Variants in ECRG4 observed in about 807,000 individuals in gnomAD.
ECRG4 encodes ECRG4 augurin precursor.
A neutral mutation model predicts 15.8 loss-of-function variants in ECRG4; 18 were observed. The ratio of observed to expected loss-of-function variants is 1.14; its 90% CI spans 0.79 to 1.69. The LOEUF (loss-of-function observed/expected upper bound fraction) is 1.69, where lower values mean the gene tolerates loss of function less well. Among genes scored for constraint, ECRG4 ranks in the 40% most tolerant of loss-of-function variants. The pLI is 0.00. For missense variants in ECRG4, 200 were observed against 190.9 expected, an observed-to-expected ratio of 1.05 and a Z score of -0.28; for synonymous variants, 82 against 73.9, an observed-to-expected ratio of 1.11 and a Z score of -0.56.
chr2:106,074,356 G>A (rs1676439033), intron 3 of ECRG4: 3 of 269,328 alleles, frequency 1.1e-5, no homozygotes, highest in South Asian at 1.6e-4. Context: ...GAACAGTTTT[G>A]CCAGGGTATT....
intron 2 of ECRG4, among the ~76,000 whole-genome samples, chr2:106,072,802 G>C (rs1317083689): frequency 6.6e-6 from 1 of 152,208 alleles, no homozygotes; most frequent in Non-Finnish European, 1.5e-5. Flanking sequence ...TCCCTGTGCT[G>C]TGTGGTGGCC....
At chr2:106,075,797 A>T (rs1240108509) in intron 3 of ECRG4, among the ~76,000 whole-genome samples, 1 of 152,236 alleles carries the variant, frequency 6.6e-6, no homozygotes, top group Non-Finnish European at 1.5e-5. Flanking sequence ...CAGAATAAAG[A>T]TGAGGATCAA....
chr2:106,068,273 A>T (rs1238603041), intron 1 of ECRG4, among the ~76,000 whole-genome samples: 1 of 152,188 alleles, frequency 6.6e-6, no homozygotes, highest in East Asian at 1.9e-4. Flanking sequence ...AGGCAACTGG[A>T]TTGGATAAAT....
intron 2 of ECRG4, among the ~76,000 whole-genome samples, chr2:106,072,765 A>G (rs1055297764): frequency 1.3e-5 from 2 of 151,966 alleles, no homozygotes; most frequent in South Asian, 2.1e-4. Context: ...CCCACCCCCA[A>G]TCTCTGAGGC....
In ECRG4 at chr2:106,071,837, C is replaced by G; in HGVS notation, c.80-7C>G. The G allele has an allele frequency of 6.2e-7, 1 of 1,612,654 alleles. No homozygotes were observed. Among genetic ancestry groups the G allele is most frequent in the Non-Finnish European group, 8.5e-7 (1 of 1,178,800 alleles). ...TCTGATATGGATTTCAATTTTCATT[C>G]CTTTAGGTGGCATAAGTGGAAATAA... On this transcript the variant is annotated splice_polypyrimidine_tract_variant and splice_region_variant and intron_variant, in intron 1 of 3. Transcript: ENST00000238044.
At chr2:106,074,634 G>T (rs1676447352) in intron 3 of ECRG4, among the ~76,000 whole-genome samples, 1 of 152,192 alleles carries the variant, frequency 6.6e-6, no homozygotes, top group Admixed American at 6.5e-5. Flanking sequence ...CTCCCAGCTG[G>T]GGTGCACGTG....
chr2:106,063,480 A>T (rs1320847722), upstream of ECRG4: 1 of 152,280 alleles, frequency 6.6e-6, no homozygotes, highest in East Asian at 1.9e-4. Flanking sequence ...AAGAACTGAC[A>T]TAGTGTCTCC....
At chr2:106,075,512 A>G (rs1440892150) in intron 3 of ECRG4, among the ~76,000 whole-genome samples, 1 of 152,230 alleles carries the variant, frequency 6.6e-6, no homozygotes, top group Non-Finnish European at 1.5e-5. Context: ...ACCTGAGGTC[A>G]GGAGTTCAAG....
chr2:106,073,966 C>T lies in ECRG4; in HGVS notation c.208C>T (p.Arg70Trp). 1.2e-6 allele frequency: 2 copies of T among 1,614,208 alleles called. No homozygotes were observed. Among genetic ancestry groups the T allele is most frequent in the Non-Finnish European group, 8.5e-7 (1 of 1,180,046 alleles). ...EFLGSLKRQKRQLWDRTRPEV... is the reference protein window; with the variant it reads ...EFLGSLKRQKWQLWDRTRPEV... ...CCTTGGCAGCCTGAAGCGCCAGAAG[C>T]GGCAGCTGTGGGACCGGACTCGGCC... Residue 70 changes from arginine to tryptophan, a missense_variant, in exon 3 of 4, where the codon CGG becomes TGG. Arg to Trp is a moderately radical substitution (Grantham distance 101). Coordinates refer to ENST00000238044, the MANE Select transcript of ECRG4 (RefSeq NM_032411.3).
intron 1 of ECRG4, among the ~76,000 whole-genome samples, chr2:106,068,699 T>C (rs1676276028): frequency 6.6e-6 from 1 of 152,242 alleles, no homozygotes; most frequent in South Asian, 2.1e-4. Context: ...CTTAATTCTG[T>C]ATGTACTACC....
At chr2:106,069,337 C>CTT (rs1273893247) in intron 1 of ECRG4, among the ~76,000 whole-genome samples, 3 of 101,956 alleles carry the variant, frequency 2.9e-5, no homozygotes, top group South Asian at 2.9e-4. Flanking sequence ...CTCTTTCTTT[C>CTT]TTTTTTTTTT....
At chr2:106,076,168 A>G (rs1676482356) in intron 3 of ECRG4, among the ~76,000 whole-genome samples, 1 of 152,066 alleles carries the variant, frequency 6.6e-6, no homozygotes, top group African/African-American at 2.4e-5. Flanking sequence ...ATACAAAAAA[A>G]TTAGCCAGGC....
chr2:106,071,491 T>G (rs1169478396), intron 1 of ECRG4, among the ~76,000 whole-genome samples: 2 of 152,190 alleles, frequency 1.3e-5, no homozygotes, highest in African/African-American at 4.8e-5. Context: ...GAGGACACTA[T>G]TCACTATTCA....
chr2:106,076,569 T>C (rs767719138), intron 3 of ECRG4, among the ~76,000 whole-genome samples: 1 of 151,238 alleles, frequency 6.6e-6, no homozygotes, highest in Non-Finnish European at 1.5e-5. Context: ...CCACCAAGAG[T>C]GGATGACCAC....
intron 3 of ECRG4, among the ~76,000 whole-genome samples, chr2:106,075,441 G>A (rs951951799): frequency 1.1e-4 from 17 of 152,336 alleles, no homozygotes; most frequent in Admixed American, 2.6e-4. Flanking sequence ...AACATGCAGG[G>A]ACGGGCATGG....
chr2:106,064,703 T>C (rs753699708), upstream of ECRG4, among the ~76,000 whole-genome samples: 3 of 152,014 alleles, frequency 2.0e-5, no homozygotes, highest in South Asian at 2.1e-4. Flanking sequence ...AGTGAGAACC[T>C]TGGTGAAGGA....
chr2:106,073,947 C>A lies in ECRG4; in HGVS notation c.189C>A (p.Gly63=), dbSNP rs778642450. 8.1e-6 allele frequency: 13 copies of A among 1,614,114 alleles called. No individual in the cohort carries two copies. In the Admixed American group the frequency reaches 2.2e-4, roughly 27 times the overall value. ...AGAATAAAGCCAAAGAATTCCTTGG[C>A]AGCCTGAAGCGCCAGAAGCGGCAGC... ...VDENKAKEFL[G]SLKRQKRQLW... is the part of the protein sequence containing the mutation. The change falls in exon 3 of 4, where the codon GGC becomes GGA. Residue 63 remains glycine (G), a synonymous_variant. Coordinates refer to ENST00000238044, the MANE Select transcript of ECRG4 (RefSeq NM_032411.3).
At position 106,071,846 on chromosome 2, in the gene ECRG4, G is replaced by T. The variant is rs1050709197; in HGVS notation, c.82G>T (p.Gly28Cys). The T allele has an allele frequency of 4.3e-6, 7 of 1,613,216 alleles. No homozygotes were observed. Among genetic ancestry groups the T allele is most frequent in the Non-Finnish European group, 5.9e-6 (7 of 1,179,304 alleles). Residue 28 changes from glycine to cysteine, a missense_variant and splice_region_variant, in exon 2 of 4, where the codon GGC (glycine) becomes TGC (cysteine). Gly to Cys is a radical substitution (Grantham distance 159, BLOSUM62 -3). Transcript: ENST00000238044. ...GATTTCAATTTTCATTCCTTTAGGT[G>T]GCATAAGTGGAAATAAACTCAAGCT... ...LLLLLCWGPG[G>C]ISGNKLKLML...
At position 106,065,780 on chromosome 2, in the gene ECRG4, G is replaced by C. The variant is rs1322520474; in HGVS notation, c.16G>C (p.Ala6Pro). Reference sequence around the variant, plus strand: ...CCCCGCCGCCATGGCTGCCTCCCCCGCGCGGCCTGCTGTCCTGGCCCTGAC... The same window carrying C: ...CCCCGCCGCCATGGCTGCCTCCCCCCCGCGGCCTGCTGTCCTGGCCCTGAC... MAASP[A>P]RPAVLALTGL... The change falls in exon 1 of 4, where the codon GCG becomes CCG. Residue 6 changes from alanine to proline, a missense_variant. By Grantham distance (27) the Ala-to-Pro change is conservative (BLOSUM62 -1). Coordinates refer to ENST00000238044, the MANE Select transcript of ECRG4 (RefSeq NM_032411.3). 2.0e-6 allele frequency: 3 copies of C among 1,482,262 alleles called. No individual in the cohort carries two copies. The African/African-American group carries it at 4.4e-5, about 22-fold the overall frequency. The allele number at this position is 1,482,262 out of a possible 1,614,324, so 91.8% of individuals were successfully genotyped here. A position where few individuals can be genotyped will look rare whatever the true frequency, so the allele number is the denominator to read the frequency against.
Sources: gnomAD v4.1 joint callset for allele counts (sites outside exome capture counted in the v4.1 genomes callset) on GRCh38, gnomAD v4.1.1 for gene constraint, MANE v1.5 for transcripts, NCBI Gene and HGNC (gene_info 2026-07-23, HGNC 2026-07-21) for gene names.